Variants in KLC4 observed in about 807,000 individuals in gnomAD.
KLC4 encodes the protein kinesin-like protein 8.
Under a neutral mutation model 77.2 loss-of-function variants are expected in KLC4, and 49 were observed. The observed-to-expected ratio is 0.63, with a 90% CI of 0.50 to 0.80. The LOEUF (loss-of-function observed/expected upper bound fraction) is 0.80. Among genes scored for constraint, KLC4 ranks in the 30% least tolerant of loss-of-function variants. The pLI is 0.00. For missense variants in KLC4, 669 were observed against 793.5 expected (o/e 0.84, Z 1.89); for synonymous variants, 274 against 314.5 (o/e 0.87, Z 1.36).
chr6:43,061,680 C>G (rs760603650), intron 2 of KLC4, 87 bp downstream of exon 2: 23 of 1,341,574 alleles, frequency 1.7e-5, no homozygotes, highest in South Asian at 2.9e-5. Flanking sequence ...TTGGGATCAC[C>G]TCACTCTAGA....
intron 3 of KLC4, chr6:43,065,326 G>A (rs1430996092): frequency 1.4e-5 from 4 of 278,810 alleles, no homozygotes; most frequent in African/African-American, 6.5e-5. Context: ...TGCCCACCTC[G>A]GCCTCCCAAA....
Position 43,067,984 on chromosome 6 carries a change from C to T in KLC4, c.879+901C>T, listed in dbSNP as rs1283400665. Among the ~76,000 whole-genome samples, 172 of 105,200 alleles carry T rather than the reference C, an allele frequency of 1.6e-3. 28 individuals carry two copies. Among genetic ancestry groups the T allele is most frequent in the African/African-American group, 8.5e-3 (150 of 17,738 alleles). 69.0% of individuals were successfully genotyped at this position (105,200 alleles called of 152,430 possible). A position where few individuals can be genotyped will look rare whatever the true frequency, so the allele number is the denominator to read the frequency against. On this transcript the variant is annotated intron_variant, in intron 6 of 15. Transcript: ENST00000347162. ...AAAATTAGCCGGGCGTAGTGGCGGGCGCCTGTAGTCCCAGCTGCTTGGGAG... is the reference window on the plus strand; with the variant it reads ...AAAATTAGCCGGGCGTAGTGGCGGGTGCCTGTAGTCCCAGCTGCTTGGGAG...
chr6:43,060,085 C>T, intron 1 of KLC4: 1 of 1,538,482 alleles, frequency 6.5e-7, no homozygotes, highest in Non-Finnish European at 8.8e-7. Flanking sequence ...CGCCGCGGTT[C>T]CTTGCGACCC....
chr6:43,073,948 A>G lies in KLC4; in HGVS notation c.1792A>G (p.Ser598Gly). ...AASLNYLNQPSAAPLQVSRGL... is the reference protein window; with the variant it reads ...AASLNYLNQPGAAPLQVSRGL... ...CTCCTTGAACTATCTGAACCAACCT[A>G]GTGCAGCACCCCTCCAGGTGAGAGC... Residue 598 changes from serine (S) to glycine (G), a missense_variant, in exon 15 of 16, where the codon AGT becomes GGT. Physicochemically the swap from Ser to Gly is moderately conservative, Grantham distance 56 (BLOSUM62 0). Coordinates refer to ENST00000347162, the MANE Select transcript of KLC4 (RefSeq NM_201521.3). 1 of 1,611,896 alleles carries G rather than the reference A, an allele frequency of 6.2e-7. No individual in the cohort carries two copies. Among genetic ancestry groups the G allele is most frequent in the Non-Finnish European group, 8.5e-7 (1 of 1,178,968 alleles).
Position 43,073,335 on chromosome 6 carries a change from C to A in KLC4, c.1742C>A (p.Ser581Tyr). The change falls in exon 14 of 16, where the codon TCC (serine) becomes TAC (tyrosine). Residue 581 changes from serine to tyrosine, a missense_variant. By Grantham distance (144) the Ser-to-Tyr change is moderately radical. Coordinates refer to ENST00000347162, the MANE Select transcript of KLC4 (RefSeq NM_201521.3). ...CTCCAGGGGACTGAGCCTCGGCCCT[C>A]CAGGTATACATGGAAGTCAAGATAC... ...RKLQGTEPRP[S>Y]SSNMKRAASL... The A allele has an allele frequency of 6.2e-7, 1 of 1,608,652 alleles. No individual in the cohort carries two copies. Among genetic ancestry groups the A allele is most frequent in the Non-Finnish European group, 8.5e-7 (1 of 1,175,680 alleles).
In KLC4 at chr6:43,062,920, A is replaced by G. The variant is rs989777914; in HGVS notation, c.262A>G (p.Met88Val). The G allele has an allele frequency of 6.2e-7, 1 of 1,613,346 alleles. No individual in the cohort carries two copies. The highest frequency in any genetic ancestry group is 8.5e-7 in the Non-Finnish European group (1 of 1,179,292). The change falls in exon 3 of 16, where the codon ATG becomes GTG. Residue 88 changes from methionine to valine, a missense_variant. Met to Val is a conservative substitution (Grantham distance 21). Coordinates refer to ENST00000347162, the MANE Select transcript of KLC4 (RefSeq NM_201521.3). ...CTCAGGGGATGTGCCCACCTAGGTG[A>G]TGCTGGCTCTAGCCAGCCACCTGAG... ...IELGLSEAQV[M>V]LALASHLSTV...
intron 8 of KLC4, 69 bp downstream of exon 8, chr6:43,070,934 C>CA: frequency 1.9e-6 from 2 of 1,032,518 alleles, no homozygotes; most frequent in Non-Finnish European, 1.3e-6. Context: ...GGAGGGGGGG[C>CA]AGGCGGAGAG....
At position 43,067,038 on chromosome 6, in the gene KLC4, T is replaced by C. The variant is rs760393087; in HGVS notation, c.834T>C (p.Asp278=). The change falls in exon 6 of 16, where the codon GAT becomes GAC. Residue 278 remains aspartate (D), a synonymous_variant. Transcript: ENST00000347162. Reference sequence around the variant, plus strand: ...AGGAAGCTGCCCACCTGCTGAATGATGCCCTTAGCATCCGGGAGAGCACCT... The same window carrying C: ...AGGAAGCTGCCCACCTGCTGAATGACGCCCTTAGCATCCGGGAGAGCACCT... ...KYKEAAHLLN[D]ALSIRESTLG... is the part of the protein sequence containing the mutation. 9 of 1,614,102 alleles carry C rather than the reference T, an allele frequency of 5.6e-6. No individual in the cohort carries two copies. Among genetic ancestry groups the C allele is most frequent in the Admixed American group, 1.7e-5 (1 of 60,018 alleles).
chr6:43,063,417 C>G (rs1355054179), intron 3 of KLC4, among the ~76,000 whole-genome samples: 1 of 152,242 alleles, frequency 6.6e-6, no homozygotes, highest in Non-Finnish European at 1.5e-5. Flanking sequence ...AGAGTTCCTG[C>G]TCTCACAATT....
chr6:43,070,870 G>A lies in KLC4; in HGVS notation c.1155+5G>A. The A allele has an allele frequency of 6.6e-7, 1 of 1,506,974 alleles. No individual in the cohort carries two copies. Among genetic ancestry groups the A allele is most frequent in the Non-Finnish European group, 9.0e-7 (1 of 1,114,860 alleles). The allele number at this position is 1,506,974 out of a possible 1,614,324, so 93.4% of individuals were successfully genotyped here. A position where few individuals can be genotyped will look rare whatever the true frequency, so the allele number is the denominator to read the frequency against. ...GCCCGGACCAAGAACAACCTGGTAT[G>A]GGAGGAGGGACAAAGTAGGTGGAAG... On this transcript the variant is annotated splice_donor_5th_base_variant and intron_variant, in intron 8 of 15. Coordinates refer to ENST00000347162, the MANE Select transcript of KLC4 (RefSeq NM_201521.3).
intron 12 of KLC4, 83 bp downstream of exon 12, chr6:43,072,338 A>G: frequency 9.8e-7 from 1 of 1,023,876 alleles, no homozygotes; most frequent in South Asian, 1.3e-5. Context: ...GGAGTCTCCT[A>G]AGAATAAGCG....
intron 6 of KLC4, among the ~76,000 whole-genome samples, chr6:43,068,111 C>CAAAAAA (rs763158428): frequency 7.1e-4 from 18 of 25,220 alleles, no homozygotes; most frequent in Non-Finnish European, 9.5e-4. Context: ...GACTCCGTCT[C>CAAAAAA]AAAAAAAAAA....
rs1018561961 is a variant in KLC4, at chr6:43,070,398, G to A, written c.924G>A (p.Arg308=). ...ATTTGGCTGTGCTCTATGGCAAAAG[G>A]GGCAAGTACAAGGAGGCAGAGCCTC... ...LNNLAVLYGK[R]GKYKEAEPLC... is the part of the protein sequence containing the mutation. The change falls in exon 7 of 16, where the codon AGG becomes AGA. Residue 308 remains arginine, a synonymous_variant. Transcript: ENST00000347162. 6.2e-7 allele frequency: 1 copy of A among 1,614,074 alleles called. No individual in the cohort carries two copies. The highest frequency in any genetic ancestry group is 8.5e-7 in the Non-Finnish European group (1 of 1,180,028).
chr6:43,073,267 C>A lies in KLC4; in HGVS notation c.1674C>A (p.Ile558=), dbSNP rs766200090. 5.0e-6 allele frequency: 8 copies of A among 1,613,960 alleles called. No individual in the cohort carries two copies. The highest frequency in any genetic ancestry group is 2.7e-5 in the African/African-American group (2 of 74,876). The change falls in exon 14 of 16, where the codon ATC becomes ATA. Residue 558 remains isoleucine (I), a synonymous_variant. Coordinates refer to ENST00000347162, the MANE Select transcript of KLC4 (RefSeq NM_201521.3). ...TLQRSGSLGK[I]RDVLRRSSEL... ...AGAGGAGTGGCTCTCTTGGCAAGATCCGGGATGTGCTCCGCAGAAGCAGTG... is the reference window on the plus strand; with the variant it reads ...AGAGGAGTGGCTCTCTTGGCAAGATACGGGATGTGCTCCGCAGAAGCAGTG...
intron 15 of KLC4, chr6:43,074,278 G>T (rs925724893): frequency 1.8e-5 from 8 of 451,834 alleles, no homozygotes; most frequent in African/African-American, 1.4e-4. Flanking sequence ...TCATCCTGCA[G>T]CCGCCTTAGT....
In KLC4 at chr6:43,063,230, C is replaced by T. The variant is rs567533149; in HGVS notation, c.489+83C>T. On this transcript the variant is annotated intron_variant, in intron 3 of 15. Coordinates refer to ENST00000347162, the MANE Select transcript of KLC4 (RefSeq NM_201521.3). ...ATGGGGGCAATTGCCCCATCATCCT[C>T]AGGGTCCATCAGCTCTACCCAACCT... The T allele has an allele frequency of 2.2e-4, 227 of 1,039,058 alleles. No individual in the cohort carries two copies. In the South Asian group the frequency reaches 3.2e-3, roughly 15 times the overall value. 64.4% of individuals were successfully genotyped at this position (1,039,058 alleles called of 1,614,324 possible). A position where few individuals can be genotyped will look rare whatever the true frequency, so the allele number is the denominator to read the frequency against.
intron 7 of KLC4, 76 bp downstream of exon 7, chr6:43,070,531 T>C: frequency 7.2e-7 from 1 of 1,393,494 alleles, no homozygotes; most frequent in Non-Finnish European, 1.0e-6. Context: ...CTAACCCTCC[T>C]CCTTCACTTT....
chr6:43,066,462 G>T lies in KLC4; in HGVS notation c.728G>T (p.Arg243Leu). Residue 243 changes from arginine to leucine, a missense_variant, in exon 5 of 16, where the codon CGC becomes CTC. Coordinates refer to ENST00000347162, the MANE Select transcript of KLC4 (RefSeq NM_201521.3). Reference sequence around the variant, plus strand: ...AAGCAGGCACTAGAGGACCTGGAGCGCACATCAGGCCGTGGCCACCCTGAT... The same window carrying T: ...AAGCAGGCACTAGAGGACCTGGAGCTCACATCAGGCCGTGGCCACCCTGAT... Reference protein sequence around the residue: ...LCKQALEDLERTSGRGHPDVA... With the variant: ...LCKQALEDLELTSGRGHPDVA... The T allele has an allele frequency of 6.2e-7, 1 of 1,614,104 alleles. No individual in the cohort carries two copies. The highest frequency in any genetic ancestry group is 8.5e-7 in the Non-Finnish European group (1 of 1,180,016).
intron 3 of KLC4, among the ~76,000 whole-genome samples, chr6:43,064,481 G>T (rs1339637083): frequency 6.6e-6 from 1 of 152,202 alleles, no homozygotes; most frequent in Non-Finnish European, 1.5e-5. Context: ...CTGTGATTAT[G>T]CCACTGCATT....
Sources: gnomAD v4.1 joint callset for allele counts (sites outside exome capture counted in the v4.1 genomes callset) on GRCh38, gnomAD v4.1.1 for gene constraint, MANE v1.5 for transcripts, NCBI Gene and HGNC (gene_info 2026-07-23, HGNC 2026-07-21) for gene names.